GOPC: variants seen among roughly 807,000 people sequenced by gnomAD.
GOPC encodes golgi associated PDZ and coiled-coil motif containing.
A neutral mutation model predicts 51.2 loss-of-function variants in GOPC; 32 were observed. The ratio of observed to expected loss-of-function variants is 0.63; its 90% CI spans 0.47 to 0.84. The LOEUF is 0.84. GOPC is among the 40% of genes least tolerant of loss of function. The pLI, the probability that GOPC is intolerant of heterozygous loss-of-function variation, is 0.00. For missense variants in GOPC, 441 were observed against 555.5 expected (o/e 0.79, Z 2.07); for synonymous variants, 190 against 205.1 (o/e 0.93, Z 0.63).
At chr6:117,601,121 AAAAG>A (rs1428093643) in intron 1 of GOPC, among the ~76,000 whole-genome samples, 3 of 152,232 alleles carry the variant, frequency 2.0e-5, no homozygotes, top group Non-Finnish European at 2.9e-5. Flanking sequence ...ACACTTTTTG[AAAAG>A]AAAGACCCAT....
chr6:117,580,794 C>T (rs1779945886), intron 1 of GOPC, among the ~76,000 whole-genome samples: 1 of 152,096 alleles, frequency 6.6e-6, no homozygotes, highest in Admixed American at 6.5e-5. Context: ...ACAGTAGCAA[C>T]GTCCTATTTG....
At chr6:117,581,846 T>A (rs576849962) in intron 1 of GOPC, among the ~76,000 whole-genome samples, 1 of 152,338 alleles carries the variant, frequency 6.6e-6, no homozygotes, top group Admixed American at 6.5e-5. Flanking sequence ...TTGATACATA[T>A]TGCATATATT....
At position 117,570,948 on chromosome 6, in the gene GOPC, T is replaced by C. The variant is rs774160858; in HGVS notation, c.824A>G (p.Asp275Gly). The C allele has an allele frequency of 6.4e-7, 1 of 1,574,004 alleles. No homozygotes were observed. Among genetic ancestry groups the C allele is most frequent in the Non-Finnish European group, 8.7e-7 (1 of 1,148,128 alleles). Reference sequence around the variant, plus strand: ...AACACCTTGGCTTTTCTTTAGGGAATCTTGATCCTTATTGGGAGGAAAAAA... The same window carrying C: ...AACACCTTGGCTTTTCTTTAGGGAACCTTGATCCTTATTGGGAGGAAAAAA... Reference protein sequence around the residue: ...PMQAPPGHDQDSLKKSQGVGP... With the variant: ...PMQAPPGHDQGSLKKSQGVGP... Residue 275 changes from aspartate (D) to glycine (G), a missense_variant, in exon 6 of 9, where the codon GAT becomes GGT. Physicochemically the swap from Asp to Gly is moderately conservative, Grantham distance 94. Coordinates refer to ENST00000368498, the MANE Select transcript of GOPC (RefSeq NM_020399.4).
At chr6:117,591,871 A>G (rs1780122865) in intron 1 of GOPC, among the ~76,000 whole-genome samples, 3 of 152,246 alleles carry the variant, frequency 2.0e-5, no homozygotes, top group Non-Finnish European at 4.4e-5. Context: ...GAATCACTCT[A>G]GAATGATCAG....
chr6:117,565,013 T>G (rs1779665917), intron 8 of GOPC, among the ~76,000 whole-genome samples: 1 of 152,146 alleles, frequency 6.6e-6, no homozygotes, highest in Non-Finnish European at 1.5e-5. Context: ...CCAAGAAGCT[T>G]CTGTTTATGT....
intron 8 of GOPC, among the ~76,000 whole-genome samples, chr6:117,564,680 A>C (rs2114599977): frequency 6.6e-6 from 1 of 152,104 alleles, no homozygotes; most frequent in South Asian, 2.1e-4. Context: ...TGCAATTTGC[A>C]TATGTGACAG....
chr6:117,566,926 C>G lies in GOPC; in HGVS notation c.1186G>C (p.Asp396His). The change falls in exon 8 of 9, where the codon GAT becomes CAT. Residue 396 changes from aspartate (D) to histidine (H), a missense_variant. Asp to His is a moderately conservative substitution (Grantham distance 81, BLOSUM62 -1). Coordinates refer to ENST00000368498, the MANE Select transcript of GOPC (RefSeq NM_020399.4). ...ESGHRYRLYLDELEGGGNPGA... is the reference protein window; with the variant it reads ...ESGHRYRLYLHELEGGGNPGA... ...GGGTTACCACCTCCTTCTAACTCAT[C>G]AAGGTACAAACGGTAACGATGTCCA... 6.2e-7 allele frequency: 1 copy of G among 1,611,468 alleles called. No homozygotes were observed. Among genetic ancestry groups the G allele is most frequent in the Non-Finnish European group, 8.5e-7 (1 of 1,178,870 alleles).
intron 1 of GOPC, among the ~76,000 whole-genome samples, chr6:117,599,418 A>G (rs1771953398): frequency 6.6e-6 from 1 of 152,236 alleles, no homozygotes; most frequent in South Asian, 2.1e-4. Context: ...AATTCTGTAG[A>G]TGGAACAGCA....
At chr6:117,570,807 C>T (rs1420826962) in intron 6 of GOPC, 53 bp downstream of exon 6, 5 of 758,274 alleles carry the variant, frequency 6.6e-6, no homozygotes, top group Non-Finnish European at 1.1e-5. Flanking sequence ...AACAAAGGAG[C>T]ATGATTATAC....
intron 1 of GOPC, among the ~76,000 whole-genome samples, chr6:117,585,110 TG>T (rs1420533902): frequency 1.3e-5 from 2 of 152,178 alleles, no homozygotes; most frequent in Non-Finnish European, 2.9e-5. Flanking sequence ...GTTTAAATAC[TG>T]GCTACTGGTG....
intron 8 of GOPC, among the ~76,000 whole-genome samples, chr6:117,564,717 A>T (rs190838120): frequency 6.6e-6 from 1 of 152,306 alleles, no homozygotes; most frequent in Non-Finnish European, 1.5e-5. Context: ...CAGTTACAAA[A>T]AAAAGGAAGA....
At chr6:117,601,542 T>C (rs761281257) in intron 1 of GOPC, among the ~76,000 whole-genome samples, 9 of 152,196 alleles carry the variant, frequency 5.9e-5, no homozygotes, top group East Asian at 1.9e-4. Context: ...CTAAATAGTT[T>C]ATGCATGTCT....
chr6:117,564,026 G>A (rs1418393276), intron 8 of GOPC, among the ~76,000 whole-genome samples: 1 of 149,386 alleles, frequency 6.7e-6, no homozygotes, highest in African/African-American at 2.5e-5. Context: ...TGCCCAGGCT[G>A]GATTGCAGTG....
At position 117,601,993 on chromosome 6, in the gene GOPC, C is replaced by T. The variant is rs1583068896; in HGVS notation, c.285+11G>A. The T allele has an allele frequency of 6.2e-7, 1 of 1,612,714 alleles. No individual in the cohort carries two copies. ...GGTTGGATGCCATAGCCGCCAGCAC[C>T]CACGGCTCACCTCCAGCTTGTGGTT... is the stretch of plus-strand genomic sequence containing the variant. On this transcript the variant is annotated intron_variant, in intron 1 of 8. Coordinates refer to ENST00000368498, the MANE Select transcript of GOPC (RefSeq NM_020399.4).
Position 117,560,517 on chromosome 6 carries a change from T to C in GOPC, c.*2737A>G, listed in dbSNP as rs1779563988. ...ACATGAATCACATGAAACCTTTTTG[T>C]TTCTAAACATGAAAACAGCATAAGT... On this transcript the variant is annotated 3_prime_UTR_variant, in exon 9 of 9. Transcript: ENST00000368498. 1 of 194,586 alleles carries C rather than the reference T, an allele frequency of 5.1e-6. No homozygotes were observed. Among genetic ancestry groups the C allele is most frequent in the Non-Finnish European group, 1.1e-5 (1 of 93,144 alleles). The allele number at this position is 194,586 out of a possible 1,614,324, so 12.1% of individuals were successfully genotyped here.
chr6:117,592,251 CA>C (rs1780129617), intron 1 of GOPC, among the ~76,000 whole-genome samples: 1 of 152,014 alleles, frequency 6.6e-6, no homozygotes, highest in Non-Finnish European at 1.5e-5. Context: ...CCTGCAATCC[CA>C]GCTGCTCAGG....
chr6:117,601,078 T>G (rs1771998989), intron 1 of GOPC, among the ~76,000 whole-genome samples: 1 of 152,236 alleles, frequency 6.6e-6, no homozygotes, highest in South Asian at 2.1e-4. Flanking sequence ...TTCAGAGTTT[T>G]GCACATCACT....
At chr6:117,584,117 A>AG (rs1433451107) in intron 1 of GOPC, among the ~76,000 whole-genome samples, 3 of 152,208 alleles carry the variant, frequency 2.0e-5, no homozygotes, top group South Asian at 4.1e-4. Flanking sequence ...TCTTTGGATT[A>AG]GTGGGAAAAC....
chr6:117,564,792 A>G (rs1358418021), intron 8 of GOPC, among the ~76,000 whole-genome samples: 1 of 152,242 alleles, frequency 6.6e-6, no homozygotes, highest in Non-Finnish European at 1.5e-5. Flanking sequence ...TATGGAGAGC[A>G]GCCCAACAAT....
Sources: allele counts gnomAD v4.1 joint callset (sites outside exome capture counted in the v4.1 genomes callset), GRCh38; gene constraint gnomAD v4.1.1; transcripts MANE v1.5; gene names NCBI Gene and HGNC (gene_info 2026-07-23, HGNC 2026-07-21).